Variants in LRMDA observed in about 807,000 individuals in gnomAD.
LRMDA encodes leucine rich melanocyte differentiation associated.
A neutral mutation model predicts 29.8 loss-of-function variants in LRMDA; 18 were observed. The ratio of observed to expected loss-of-function variants is 0.60; its 90% CI spans 0.42 to 0.90. LRMDA has a LOEUF of 0.90. LRMDA is among the 40% of genes least tolerant of loss of function. The pLI, the probability that LRMDA is intolerant of heterozygous loss-of-function variation, is 0.00. For synonymous variants in LRMDA, 125 were observed against 109.4 expected (o/e 1.14, Z -0.89); for missense variants, 273 against 273.9 (o/e 1.00, Z 0.02).
intron 6 of LRMDA, among the ~76,000 whole-genome samples, chr10:76,355,225 G>T (rs946772661): frequency 4.6e-5 from 7 of 152,084 alleles, no homozygotes; most frequent in African/African-American, 1.7e-4. Flanking sequence ...AAAGTGACTA[G>T]AATCGGGAAT....
chr10:75,879,674 C>T (rs190735230), intron 2 of LRMDA, among the ~76,000 whole-genome samples: 1 of 152,196 alleles, frequency 6.6e-6, no homozygotes. Context: ...GGTTTGGGTT[C>T]CTTGGGGTCT....
At position 75,472,746 on chromosome 10, in the gene LRMDA, G is replaced by T. The variant is rs78524574; in HGVS notation, c.131+34252G>T. Among the ~76,000 whole-genome samples the T allele has an allele frequency of 8.7e-3, 1,324 of 152,338 alleles. 16 individuals carry two copies. The highest frequency in any genetic ancestry group is 0.025 in the African/African-American group (1,045 of 41,584). ...ATCTCTGCAGTTTGGCAAGGGTCAG[G>T]TATTGACAAGAGATGGAGAGGAGGG... On this transcript the variant is annotated intron_variant, in intron 2 of 6. Transcript: ENST00000611255.
At chr10:76,035,306 A>G (rs1390214190) in intron 2 of LRMDA, among the ~76,000 whole-genome samples, 1 of 152,158 alleles carries the variant, frequency 6.6e-6, no homozygotes, top group African/African-American at 2.4e-5. Context: ...GCAAAAACAA[A>G]TAAAAAGAAA....
intron 6 of LRMDA, among the ~76,000 whole-genome samples, chr10:76,533,783 C>T (rs368666480): frequency 5.3e-5 from 8 of 152,300 alleles, no homozygotes; most frequent in Admixed American, 2.6e-4. Context: ...CAAAATATGT[C>T]ATCAATGTTT....
intron 2 of LRMDA, among the ~76,000 whole-genome samples, chr10:75,944,732 A>G (rs1417664351): frequency 6.7e-6 from 1 of 148,848 alleles, no homozygotes; most frequent in Non-Finnish European, 1.5e-5. Context: ...ATACACATAT[A>G]TATCTATATG....
At chr10:76,061,099 T>C (rs941316192) in intron 5 of LRMDA, among the ~76,000 whole-genome samples, 3 of 152,096 alleles carry the variant, frequency 2.0e-5, no homozygotes, top group Admixed American at 1.3e-4. Context: ...CTATTCACAA[T>C]AGCAAAGACA....
chr10:75,739,261 G>A (rs1320772154), intron 2 of LRMDA, among the ~76,000 whole-genome samples: 1 of 152,208 alleles, frequency 6.6e-6, no homozygotes, highest in Non-Finnish European at 1.5e-5. Context: ...GGGCATTAGC[G>A]AATGCTATTG....
intron 2 of LRMDA, among the ~76,000 whole-genome samples, chr10:75,444,351 T>C (rs1173488990): frequency 6.6e-6 from 1 of 152,144 alleles, no homozygotes; most frequent in Non-Finnish European, 1.5e-5. Context: ...ACGTTAGAAA[T>C]TGGAAATGGA....
At position 76,207,359 on chromosome 10, in the gene LRMDA, G is replaced by A. The variant is rs1383509117; in HGVS notation, c.517-117042G>A. Among the ~76,000 whole-genome samples, 3 of 152,174 alleles carry A rather than the reference G, an allele frequency of 2.0e-5. No individual in the cohort carries two copies. In the East Asian group the frequency reaches 5.8e-4, roughly 29 times the overall value. On this transcript the variant is annotated intron_variant, in intron 5 of 6. Coordinates refer to ENST00000611255, the MANE Select transcript of LRMDA (RefSeq NM_001305581.2). ...TCTGTTTCTAAGACTGAGGACCACTGCCACAAGTCTCAGCTAGTTCAGGGA... is the reference window on the plus strand; with the variant it reads ...TCTGTTTCTAAGACTGAGGACCACTACCACAAGTCTCAGCTAGTTCAGGGA...
At chr10:75,497,838 C>A (rs1047895420) in intron 2 of LRMDA, among the ~76,000 whole-genome samples, 6 of 152,016 alleles carry the variant, frequency 3.9e-5, no homozygotes, top group African/African-American at 1.4e-4. Flanking sequence ...TAAGCTGTTT[C>A]CAGATTTTAG....
At chr10:76,534,533 A>T (rs1169432451) in intron 6 of LRMDA, among the ~76,000 whole-genome samples, 1 of 152,188 alleles carries the variant, frequency 6.6e-6, no homozygotes, top group Non-Finnish European at 1.5e-5. Context: ...TGGCCTTTTG[A>T]GTAAGAAAGA....
intron 6 of LRMDA, among the ~76,000 whole-genome samples, chr10:76,534,691 A>G (rs1346240344): frequency 6.6e-6 from 1 of 152,210 alleles, no homozygotes; most frequent in African/African-American, 2.4e-5. Flanking sequence ...ATTCCAAAAA[A>G]TATTATCATT....
chr10:76,312,608 A>G (rs1329286609), intron 5 of LRMDA, among the ~76,000 whole-genome samples: 1 of 152,140 alleles, frequency 6.6e-6, no homozygotes, highest in Admixed American at 6.5e-5. Context: ...AGACAGTCCT[A>G]CAAACCCAGT....
intron 2 of LRMDA, among the ~76,000 whole-genome samples, chr10:75,799,895 A>G (rs1257668367): frequency 6.6e-6 from 1 of 152,026 alleles, no homozygotes; most frequent in African/African-American, 2.4e-5. Flanking sequence ...TTTTTGCCTT[A>G]TTATTCTCAC....
chr10:75,468,163 G>A (rs1844681266), intron 2 of LRMDA, among the ~76,000 whole-genome samples: 1 of 152,174 alleles, frequency 6.6e-6, no homozygotes, highest in South Asian at 2.1e-4. Flanking sequence ...TTGATTTTAG[G>A]GGAGAGGTTG....
chr10:76,301,735 A>G (rs988730136), intron 5 of LRMDA, among the ~76,000 whole-genome samples: 1 of 152,212 alleles, frequency 6.6e-6, no homozygotes, highest in African/African-American at 2.4e-5. Context: ...TTAACAGTAG[A>G]AATAACCTTT....
intron 2 of LRMDA, among the ~76,000 whole-genome samples, chr10:75,713,862 C>G (rs745526227): frequency 6.6e-6 from 1 of 152,204 alleles, no homozygotes; most frequent in East Asian, 1.9e-4. Flanking sequence ...TCTCTCTCTC[C>G]TCTCTCCCCA....
intron 2 of LRMDA, among the ~76,000 whole-genome samples, chr10:75,494,465 G>A (rs72807485): frequency 0.029 from 4,323 of 149,938 alleles, 90 homozygotes; most frequent in Middle Eastern, 0.057. Flanking sequence ...CAATTGCATA[G>A]GATAGATAAC....
chr10:75,589,752 C>A (rs1386681938), intron 2 of LRMDA, among the ~76,000 whole-genome samples: 4 of 133,448 alleles, frequency 3.0e-5, no homozygotes, highest in Middle Eastern at 7.4e-3. Flanking sequence ...AGATAGAGAC[C>A]CTGTCTAAAA....
Sources: gnomAD v4.1 joint callset for allele counts (sites outside exome capture counted in the v4.1 genomes callset) on GRCh38, gnomAD v4.1.1 for gene constraint, MANE v1.5 for transcripts, NCBI Gene and HGNC (gene_info 2026-07-23, HGNC 2026-07-21) for gene names.